ABCA8: variants seen among roughly 807,000 people sequenced by gnomAD.
The protein encoded by ABCA8 is ABC-type organic anion transporter ABCA8.
In ABCA8, 177 loss-of-function variants were observed where a neutral mutation model predicts 192.3. That is an observed-to-expected ratio of 0.92 (90% CI 0.81 to 1.04). ABCA8 has a LOEUF of 1.04. ABCA8 is among the 50% of genes least tolerant of loss of function. ABCA8 has a pLI of 0.00. For missense variants in ABCA8, 1,915 were observed against 1,904.8 expected, an observed-to-expected ratio of 1.01 and a Z score of -0.10; for synonymous variants, 642 against 690.2, an observed-to-expected ratio of 0.93 and a Z score of 1.09.
At chr17:68,891,392 C>T (rs2066617594) in intron 24 of ABCA8, 97 bp downstream of exon 24, 3 of 773,444 alleles carry the variant, frequency 3.9e-6, no homozygotes, top group Non-Finnish European at 6.1e-6. Flanking sequence ...ATTGGCTGTT[C>T]AATTAAGCAT....
chr17:68,869,806 G>A (rs191142328), intron 37 of ABCA8, 27 bp from the exon 38 acceptor site: 39 of 1,494,622 alleles, frequency 2.6e-5, no homozygotes, highest in Non-Finnish European at 3.5e-5. Context: ...GGTAAGAAGA[G>A]TGATACCACT....
In ABCA8 at chr17:68,887,881, C is replaced by CATATATATATATATATAT. The variant is rs1202636158; in HGVS notation, c.3145-393_3145-376dup. ...ATTCCTCTCTCTCTTTTCTCTCCTC[C>CATATATATATATATATAT]ATATATATATATATATATATATATA... On this transcript the variant is annotated intron_variant, in intron 24 of 39. Coordinates refer to ENST00000586539, the MANE Select transcript of ABCA8 (RefSeq NM_001288985.2). Among the ~76,000 whole-genome samples, 314 of 68,122 alleles carry CATATATATATATATATAT rather than the reference C, an allele frequency of 4.6e-3. 6 individuals are homozygous for CATATATATATATATATAT. The highest frequency in any genetic ancestry group is 0.014 in the African/African-American group (192 of 13,730). The allele number at this position is 68,122 out of a possible 152,430, so 44.7% of individuals were successfully genotyped here. A position where few individuals can be genotyped will look rare whatever the true frequency, so the allele number is the denominator to read the frequency against.
rs1352001431 is a variant in ABCA8, at chr17:68,942,052, AAAAG to A, written c.-5-17_-5-14del. The stretch of plus-strand genomic sequence containing the variant: ...TTCCTCATCTTGTCTTGTTTAATGA[AAAAG>A]AAAGAAGATAAAATTAATATGAAGT... On this transcript the variant is annotated splice_polypyrimidine_tract_variant and intron_variant, in intron 2 of 39. Coordinates refer to ENST00000586539, the MANE Select transcript of ABCA8 (RefSeq NM_001288985.2). 6.4e-7 allele frequency: 1 copy of A among 1,561,724 alleles called. No homozygotes were observed. The highest frequency in any genetic ancestry group is 8.7e-7 in the Non-Finnish European group (1 of 1,143,790).
rs1265324567 is a variant in ABCA8, at chr17:68,932,303, C to T, written c.782G>A (p.Arg261Gln). 3.7e-6 allele frequency: 6 copies of T among 1,612,244 alleles called. No homozygotes were observed. Among genetic ancestry groups the T allele is most frequent in the African/African-American group, 2.7e-5 (2 of 74,814 alleles). The change falls in exon 7 of 40, where the codon CGG becomes CAG. Residue 261 changes from arginine to glutamine, a missense_variant. Transcript: ENST00000586539. ...TTTGACTCACCAGAACGCTGAATCC[C>T]GAAGACCCATCATTGTCATCAAGGC... ...MKALMTMMGLRDSAFWLSWGL... is the reference protein window; with the variant it reads ...MKALMTMMGLQDSAFWLSWGL...
Position 68,906,087 on chromosome 17 carries a change from T to A in ABCA8, c.2355A>T (p.Glu785Asp), listed in dbSNP as rs761984968. ...ATTTTCCTTCTAGCTTCAGGAATAC[T>A]TCATTCAAAGTTGTCATGGAAACAC... ...NYGVSMTTLN[E>D]VFLKLEGKST... is the part of the protein sequence containing the mutation. The change falls in exon 19 of 40, where the codon GAA (glutamate) becomes GAT (aspartate). Residue 785 changes from glutamate to aspartate, a missense_variant. By Grantham distance (45) the Glu-to-Asp change is conservative. Transcript: ENST00000586539. 1 of 1,599,740 alleles carries A rather than the reference T, an allele frequency of 6.3e-7. No homozygotes were observed. The highest frequency in any genetic ancestry group is 1.3e-5 in the African/African-American group (1 of 74,630).
chr17:68,897,898 A>T (rs1278332388), intron 21 of ABCA8, among the ~76,000 whole-genome samples: 1 of 152,182 alleles, frequency 6.6e-6, no homozygotes, highest in Non-Finnish European at 1.5e-5. Flanking sequence ...GAAGTTACAG[A>T]AGGAGAGGAG....
chr17:68,928,459 T>C (rs1275883813), intron 9 of ABCA8, among the ~76,000 whole-genome samples: 1 of 152,158 alleles, frequency 6.6e-6, no homozygotes, highest in Non-Finnish European at 1.5e-5. Context: ...TGTGTTTAAG[T>C]AGAACCAGAA....
intron 37 of ABCA8, among the ~76,000 whole-genome samples, chr17:68,871,578 A>T (rs946121483): frequency 6.6e-6 from 1 of 152,128 alleles, no homozygotes; most frequent in African/African-American, 2.4e-5. Flanking sequence ...TCCTTAGCAC[A>T]TTCTTAATTG....
intron 4 of ABCA8, among the ~76,000 whole-genome samples, chr17:68,940,169 T>C (rs1567881347): frequency 6.6e-6 from 1 of 152,168 alleles, no homozygotes. Flanking sequence ...TAAGTTAACC[T>C]TAACCTTAAC....
At chr17:68,887,865 T>C (rs2143343402) in intron 24 of ABCA8, among the ~76,000 whole-genome samples, 1 of 130,496 alleles carries the variant, frequency 7.7e-6, no homozygotes, top group Non-Finnish European at 1.6e-5. Flanking sequence ...GATTCCTCTC[T>C]CTCTTTTCTC....
chr17:68,875,815 C>T (rs749263743), intron 35 of ABCA8, 82 bp from the exon 36 acceptor site: 1 of 1,467,148 alleles, frequency 6.8e-7, no homozygotes, highest in Non-Finnish European at 9.2e-7. Flanking sequence ...TTTTAACTGG[C>T]ATGCGTGTGA....
At chr17:68,905,152 G>A (rs182194046) in intron 19 of ABCA8, among the ~76,000 whole-genome samples, 25 of 152,302 alleles carry the variant, frequency 1.6e-4, no homozygotes, top group African/African-American at 5.3e-4. Context: ...TCAGTAGTCT[G>A]ACAGAGGAAG....
chr17:68,890,420 C>T (rs1218844149), intron 24 of ABCA8, among the ~76,000 whole-genome samples: 1 of 152,126 alleles, frequency 6.6e-6, no homozygotes, highest in Non-Finnish European at 1.5e-5. Context: ...AATGAGAGTT[C>T]TTTACATATT....
At chr17:68,935,539 C>CATATATATATATATATATATATATATAT (rs1567877214) in intron 5 of ABCA8, among the ~76,000 whole-genome samples, 4 of 41,820 alleles carry the variant, frequency 9.6e-5, no homozygotes, top group African/African-American at 3.1e-4. Flanking sequence ...GAGTAGTATT[C>CATATATATATATATATATATATATATAT]CTATATATAT....
chr17:68,874,960 A>G (rs1417228104), intron 37 of ABCA8, among the ~76,000 whole-genome samples: 3 of 152,216 alleles, frequency 2.0e-5, no homozygotes, highest in Non-Finnish European at 1.5e-5. Flanking sequence ...AAGGATACTC[A>G]CAACGCTTTT....
chr17:68,907,619 A>T (rs1334828770), intron 18 of ABCA8, 121 bp downstream of exon 18: 1 of 866,278 alleles, frequency 1.2e-6, no homozygotes, highest in Non-Finnish European at 1.6e-6. Context: ...TATTCTTTTG[A>T]TTATGTTTCA....
At position 68,884,381 on chromosome 17, in the gene ABCA8, G is replaced by C. The variant is rs1024089916; in HGVS notation, c.3565C>G (p.Leu1189Val). ...FLSSHLLFSS[L>V]FSEERMDVQP... ...ACATCCATTCGTTCTTCAGAAAAGA[G>C]AGAAGAAAAGAGAAGCTGCAAAAGA... Residue 1189 changes from leucine to valine, a missense_variant, in exon 28 of 40, where the codon CTC becomes GTC. Physicochemically the swap from Leu to Val is conservative, Grantham distance 32 (BLOSUM62 1). Coordinates refer to ENST00000586539, the MANE Select transcript of ABCA8 (RefSeq NM_001288985.2). The C allele has an allele frequency of 2.5e-6, 4 of 1,587,102 alleles. No homozygotes were observed. Among genetic ancestry groups the C allele is most frequent in the Admixed American group, 1.9e-5 (1 of 53,350 alleles).
chr17:68,913,318 C>T (rs1263245138), intron 17 of ABCA8, among the ~76,000 whole-genome samples: 1 of 151,688 alleles, frequency 6.6e-6, no homozygotes, highest in Non-Finnish European at 1.5e-5. Context: ...AACAAACAAC[C>T]TAACGACACT....
Position 68,929,082 on chromosome 17 carries a change from A to G in ABCA8, c.1092T>C (p.Leu364=), listed in dbSNP as rs149114881. The G allele has an allele frequency of 1.4e-4, 222 of 1,598,192 alleles. No individual in the cohort carries two copies. The East Asian group carries it at 3.1e-3, about 23-fold the overall frequency. ...PASLEWILSL[L]SPFAFMLGMA... is the part of the protein sequence containing the mutation. ...TTCCAAGCATGAAGGCAAAGGGACTAAGCAAGCTTAAAATCCACTCCAAGG... is the reference window on the plus strand; with the variant it reads ...TTCCAAGCATGAAGGCAAAGGGACTGAGCAAGCTTAAAATCCACTCCAAGG... Residue 364 remains leucine, a synonymous_variant, in exon 9 of 40, where the codon CTT becomes CTC. Transcript: ENST00000586539.
Sources: gnomAD v4.1 joint callset for allele counts (sites outside exome capture counted in the v4.1 genomes callset) on GRCh38, gnomAD v4.1.1 for gene constraint, MANE v1.5 for transcripts, NCBI Gene and HGNC (gene_info 2026-07-23, HGNC 2026-07-21) for gene names.